The following JMJD1C variants were observed in gnomAD, a reference collection of about 807,000 sequenced individuals.
The protein encoded by JMJD1C is jumonji domain containing 1C, also known as jumonji domain-containing protein 1C.
A neutral mutation model predicts 245.3 loss-of-function variants in JMJD1C; 31 were observed. The ratio of observed to expected loss-of-function variants is 0.13; its 90% CI spans 0.09 to 0.17. The LOEUF is 0.17. Among genes scored for constraint, JMJD1C ranks in the 10% least tolerant of loss-of-function variants. The pLI, the probability that JMJD1C is intolerant of heterozygous loss-of-function variation, is 1.00. For missense variants in JMJD1C, 2,691 were observed against 3,000.2 expected, an observed-to-expected ratio of 0.90 and a Z score of 2.41; for synonymous variants, 1,057 against 1,017.4, an observed-to-expected ratio of 1.04 and a Z score of -0.74.
chr10:63,295,971 G>A (rs1206926273), intron 2 of JMJD1C, among the ~76,000 whole-genome samples: 1,186 of 28,258 alleles, frequency 0.042, 14 homozygotes, highest in African/African-American at 0.087. Flanking sequence ...GTGTGTGTGT[G>A]TGTGTGTGTG....
chr10:63,253,189 G>A (rs1853346184), intron 3 of JMJD1C, among the ~76,000 whole-genome samples: 1 of 152,172 alleles, frequency 6.6e-6, no homozygotes, highest in Non-Finnish European at 1.5e-5. Flanking sequence ...TCAAAACAGT[G>A]TGATACTTGC....
rs1370972420 is a variant in JMJD1C, at chr10:63,194,329, A to G, written c.5691T>C (p.His1897=). 2.5e-6 allele frequency: 4 copies of G among 1,613,290 alleles called. No individual in the cohort carries two copies. Among genetic ancestry groups the G allele is most frequent in the Non-Finnish European group, 3.4e-6 (4 of 1,179,464 alleles). The stretch of plus-strand genomic sequence containing the variant: ...GGGTTGGCATTAAATGTTTGTGATC[A>G]TGAGGCTGTCCCTTCACACACTTCA... The part of the protein sequence containing the change: ...AWMKCVKGQP[H]DHKHLMPTQI... Residue 1897 remains histidine, a synonymous_variant, in exon 14 of 26, where the codon CAT becomes CAC. Transcript: ENST00000399262.
intron 2 of JMJD1C, among the ~76,000 whole-genome samples, chr10:63,300,937 T>C (rs369096051): frequency 2.0e-5 from 3 of 151,814 alleles, no homozygotes; most frequent in South Asian, 2.1e-4. Context: ...TCTATAAATG[T>C]TGAATATTCA....
chr10:63,398,193 A>G (rs1038726096), intron 1 of JMJD1C, among the ~76,000 whole-genome samples: 2 of 152,144 alleles, frequency 1.3e-5, no homozygotes, highest in African/African-American at 2.4e-5. Flanking sequence ...GTTCAAGTTA[A>G]GATCTAAATA....
intron 4 of JMJD1C, chr10:63,217,841 A>C (rs1848173760): frequency 6.6e-6 from 1 of 152,136 alleles, no homozygotes; most frequent in Non-Finnish European, 1.5e-5. Context: ...GAATGTATAC[A>C]TATAGCACTA....
In JMJD1C at chr10:63,213,470, T is replaced by C. The variant is rs780003916; in HGVS notation, c.2694+3A>G. 17 of 1,558,310 alleles carry C rather than the reference T, an allele frequency of 1.1e-5. No homozygotes were observed. Among genetic ancestry groups the C allele is most frequent in the Non-Finnish European group, 1.3e-5 (15 of 1,135,766 alleles). On this transcript the variant is annotated splice_donor_region_variant and intron_variant, in intron 8 of 25. Transcript: ENST00000399262. Reference sequence around the variant, plus strand: ...CTATGTGGCAAACTACAGTGTAACTTACCCTCCTTAATGAAGCTTCAGCAT... The same window carrying C: ...CTATGTGGCAAACTACAGTGTAACTCACCCTCCTTAATGAAGCTTCAGCAT...
intron 3 of JMJD1C, among the ~76,000 whole-genome samples, chr10:63,240,463 G>C (rs1401163385): frequency 6.6e-6 from 1 of 152,188 alleles, no homozygotes; most frequent in African/African-American, 2.4e-5. Context: ...ATGCACACTT[G>C]AATATTAAAT....
At chr10:63,475,646 CT>C (rs1248819640) in intron 1 of JMJD1C, among the ~76,000 whole-genome samples, 1 of 152,138 alleles carries the variant, frequency 6.6e-6, no homozygotes, top group Non-Finnish European at 1.5e-5. Flanking sequence ...TAATACTGGT[CT>C]AGAACAAAAG....
At chr10:63,175,805 G>C (rs1307949063) in intron 24 of JMJD1C, among the ~76,000 whole-genome samples, 2 of 151,980 alleles carry the variant, frequency 1.3e-5, no homozygotes, top group African/African-American at 4.8e-5. Context: ...CATTTTTCCC[G>C]GTGCTGGAAA....
At chr10:63,482,186 A>G (rs1347585406) in intron 1 of JMJD1C, among the ~76,000 whole-genome samples, 2 of 152,182 alleles carry the variant, frequency 1.3e-5, no homozygotes, top group South Asian at 2.1e-4. Context: ...TTCATTATAC[A>G]TTGTTTCACT....
chr10:63,192,681 G>A (rs1265781664), intron 16 of JMJD1C, among the ~76,000 whole-genome samples: 2 of 152,120 alleles, frequency 1.3e-5, no homozygotes, highest in Non-Finnish European at 2.9e-5. Flanking sequence ...GCTGCAGTGA[G>A]CAACGATTGT....
At chr10:63,447,062 A>G (rs1233254474) in intron 1 of JMJD1C, among the ~76,000 whole-genome samples, 1 of 96,308 alleles carries the variant, frequency 1.0e-5, no homozygotes, top group Non-Finnish European at 2.1e-5. Flanking sequence ...ATCTGTAAGC[A>G]TTTTATAACC....
At chr10:63,179,766 A>C (rs1843249154) in intron 22 of JMJD1C, among the ~76,000 whole-genome samples, 1 of 140,778 alleles carries the variant, frequency 7.1e-6, no homozygotes, top group African/African-American at 2.5e-5. Context: ...GAGCAAGGAG[A>C]CCCTATCTTT....
At chr10:63,392,789 C>A (rs184933102) in intron 1 of JMJD1C, among the ~76,000 whole-genome samples, 6 of 141,004 alleles carry the variant, frequency 4.3e-5, no homozygotes, top group Non-Finnish European at 9.0e-5. Flanking sequence ...CACGCCACTG[C>A]CCTCTAGCCT....
chr10:63,352,506 C>T (rs1944446670), intron 2 of JMJD1C, among the ~76,000 whole-genome samples: 1 of 151,824 alleles, frequency 6.6e-6, no homozygotes, highest in Non-Finnish European at 1.5e-5. Flanking sequence ...GGCGTGATGA[C>T]ATGCATCTAT....
In JMJD1C at chr10:63,193,331, A is replaced by G. The variant is rs1845072587; in HGVS notation, c.5862+14T>C. ...CCACAGATTTTATTTGAATAACCAG[A>G]GATTTTTACTCACTTGAGATACACC... On this transcript the variant is annotated intron_variant, in intron 15 of 25. Transcript: ENST00000399262. 2 of 1,576,026 alleles carry G rather than the reference A, an allele frequency of 1.3e-6. No homozygotes were observed. Among genetic ancestry groups the G allele is most frequent in the South Asian group, 2.4e-5 (2 of 84,962 alleles).
intron 1 of JMJD1C, among the ~76,000 whole-genome samples, chr10:63,419,030 T>C (rs1489898325): frequency 2.9e-5 from 4 of 136,180 alleles, no homozygotes; most frequent in Non-Finnish European, 3.1e-5. Flanking sequence ...TGAGCCAAGA[T>C]CACACCACTG....
At chr10:63,440,365 TAG>T (rs56364516) in intron 1 of JMJD1C, among the ~76,000 whole-genome samples, 3,733 of 138,136 alleles carry the variant, frequency 0.027, 67 homozygotes, top group East Asian at 0.047. Flanking sequence ...TATATATATA[TAG>T]AGAGAGAGAG....
At chr10:63,465,255 G>A (rs867115000) in intron 1 of JMJD1C, 2 of 501,468 alleles carry the variant, frequency 4.0e-6, no homozygotes, top group South Asian at 3.1e-5. Flanking sequence ...ATGGGGGCCA[G>A]GGCAGCCTCC....
Sources: gnomAD v4.1 joint callset for allele counts (sites outside exome capture counted in the v4.1 genomes callset) on GRCh38, gnomAD v4.1.1 for gene constraint, MANE v1.5 for transcripts, NCBI Gene and HGNC (gene_info 2026-07-23, HGNC 2026-07-21) for gene names.